Variants in PAN3 observed in about 807,000 individuals in gnomAD.
PAN3 encodes the protein PAN2-PAN3 deadenylation complex subunit PAN3.
Under a neutral mutation model 96.2 loss-of-function variants are expected in PAN3, and 19 were observed. The observed-to-expected ratio is 0.20, with a 90% CI of 0.14 to 0.29. The LOEUF (loss-of-function observed/expected upper bound fraction) is 0.29. Ranked by LOEUF, PAN3 falls within the 10% of genes least tolerant of loss-of-function variation. PAN3 has a pLI of 1.00. For missense variants in PAN3, 882 were observed against 1,108.1 expected, an observed-to-expected ratio of 0.80 and a Z score of 2.90; for synonymous variants, 433 against 406.6, an observed-to-expected ratio of 1.06 and a Z score of -0.78.
chr13:28,261,366 T>C lies in PAN3; in HGVS notation c.1354-35T>C, dbSNP rs759042857. 93 of 1,408,534 alleles carry C rather than the reference T, an allele frequency of 6.6e-5. No homozygotes were observed. In the Admixed American group the frequency reaches 2.0e-3, roughly 30 times the overall value. The allele number at this position is 1,408,534 out of a possible 1,614,324, so 87.3% of individuals were successfully genotyped here. Reference sequence around the variant, plus strand: ...TAGGAATTCCAGGTTTCAGAATCTGTGTTTAAATAAAAATATACTTATTTT... The same window carrying C: ...TAGGAATTCCAGGTTTCAGAATCTGCGTTTAAATAAAAATATACTTATTTT... On this transcript the variant is annotated intron_variant, in intron 8 of 18. Transcript: ENST00000380958.
At position 28,169,932 on chromosome 13, in the gene PAN3, AGCTACTTGGGAGGCTGAG is replaced by A. The variant is rs1378821928; in HGVS notation, c.431-4336_431-4319del. 6.6e-5 allele frequency among the ~76,000 whole-genome samples: 10 copies of A among 152,082 alleles called. No individual in the cohort carries two copies. The East Asian group carries it at 1.6e-3, about 24-fold the overall frequency. On this transcript the variant is annotated intron_variant, in intron 1 of 18. Transcript: ENST00000380958. ...CGTGGTGACGGGCAGCTGTAATCCC[AGCTACTTGGGAGGCTGAG>A]GCTGGAGAGTCACATGAACCTGGGA... is the stretch of plus-strand genomic sequence containing the variant.
intron 6 of PAN3, among the ~76,000 whole-genome samples, chr13:28,235,244 A>G (rs966115872): frequency 2.6e-5 from 4 of 152,200 alleles, no homozygotes; most frequent in Non-Finnish European, 5.9e-5. Flanking sequence ...ACTTATAAAA[A>G]AAGGCCTTTG....
At position 28,280,644 on chromosome 13, in the gene PAN3, C is replaced by T. The variant is rs533260684; in HGVS notation, c.2319+103C>T. 7.4e-6 allele frequency: 8 copies of T among 1,086,344 alleles called. No individual in the cohort carries two copies. In the East Asian group the frequency reaches 1.9e-4, roughly 26 times the overall value. The allele number at this position is 1,086,344 out of a possible 1,614,324, so 67.3% of individuals were successfully genotyped here. A position where few individuals can be genotyped will look rare whatever the true frequency, so the allele number is the denominator to read the frequency against. Reference sequence around the variant, plus strand: ...TGGTGCTATCTCGGCTTACTGTAACCTCTGCCTCCTGGGTTCAAGCGAGTC... The same window carrying T: ...TGGTGCTATCTCGGCTTACTGTAACTTCTGCCTCCTGGGTTCAAGCGAGTC... On this transcript the variant is annotated intron_variant, in intron 16 of 18. Transcript: ENST00000380958.
chr13:28,198,084 C>T (rs1195298432), intron 5 of PAN3, among the ~76,000 whole-genome samples: 1 of 151,740 alleles, frequency 6.6e-6, no homozygotes, highest in African/African-American at 2.4e-5. Context: ...ACCAGCCTGG[C>T]CAACATGGTG....
chr13:28,155,896 T>G (rs1872092344), intron 1 of PAN3, among the ~76,000 whole-genome samples: 4 of 152,182 alleles, frequency 2.6e-5, no homozygotes, highest in African/African-American at 7.2e-5. Context: ...TTCATAGTTT[T>G]GTAGTCATCT....
intron 6 of PAN3, among the ~76,000 whole-genome samples, chr13:28,246,321 C>A (rs900039895): frequency 2.0e-5 from 3 of 151,852 alleles, no homozygotes; most frequent in African/African-American, 4.8e-5. Flanking sequence ...TAAATTGATA[C>A]ATAATAACTG....
chr13:28,187,341 AT>A (rs1238400233), intron 4 of PAN3, among the ~76,000 whole-genome samples: 1 of 151,732 alleles, frequency 6.6e-6, no homozygotes, highest in Non-Finnish European at 1.5e-5. Flanking sequence ...AAATACAACA[AT>A]TTTTTTCACT....
chr13:28,158,912 T>C (rs1398981899), intron 1 of PAN3, among the ~76,000 whole-genome samples: 1 of 151,152 alleles, frequency 6.6e-6, no homozygotes, highest in Non-Finnish European at 1.5e-5. Context: ...TCACTAATCA[T>C]TAGAGAAATG....
At chr13:28,151,805 G>T (rs995590552) in intron 1 of PAN3, among the ~76,000 whole-genome samples, 2 of 152,166 alleles carry the variant, frequency 1.3e-5, no homozygotes, top group Admixed American at 1.3e-4. Context: ...AAATATGGGA[G>T]AGCAGATCAG....
At chr13:28,225,596 A>G (rs911165803) in intron 6 of PAN3, among the ~76,000 whole-genome samples, 2 of 152,188 alleles carry the variant, frequency 1.3e-5, no homozygotes, top group African/African-American at 2.4e-5. Context: ...TTAGTCATTT[A>G]CAGTAATATA....
At chr13:28,258,631 T>TA (rs1885416181) in intron 7 of PAN3, among the ~76,000 whole-genome samples, 1 of 152,186 alleles carries the variant, frequency 6.6e-6, no homozygotes, top group Non-Finnish European at 1.5e-5. Flanking sequence ...GCCAGGGCAA[T>TA]ATCACTTCCT....
chr13:28,220,604 TCA>T (rs947444371), intron 6 of PAN3, among the ~76,000 whole-genome samples: 43 of 152,160 alleles, frequency 2.8e-4, no homozygotes, highest in African/African-American at 9.9e-4. Context: ...TATATAAAAC[TCA>T]CAAAAAAATT....
intron 6 of PAN3, among the ~76,000 whole-genome samples, chr13:28,242,356 T>C (rs868389070): frequency 6.6e-6 from 1 of 152,180 alleles, no homozygotes; most frequent in Non-Finnish European, 1.5e-5. Flanking sequence ...AAAGAGGAGA[T>C]CTTCACCTCT....
chr13:28,287,398 A>G (rs1443572852), intron 17 of PAN3, among the ~76,000 whole-genome samples: 1 of 152,168 alleles, frequency 6.6e-6, no homozygotes, highest in Non-Finnish European at 1.5e-5. Flanking sequence ...TCTTCGTTTT[A>G]TATCATATTC....
At chr13:28,154,660 A>G (rs1245093529) in intron 1 of PAN3, among the ~76,000 whole-genome samples, 2 of 151,468 alleles carry the variant, frequency 1.3e-5, no homozygotes, top group African/African-American at 4.9e-5. Context: ...ACGCCCAGCT[A>G]ATTTTTTGTA....
At chr13:28,193,165 C>G (rs1187423397) in intron 4 of PAN3, among the ~76,000 whole-genome samples, 1 of 152,140 alleles carries the variant, frequency 6.6e-6, no homozygotes, top group East Asian at 1.9e-4. Flanking sequence ...TCCTGGGCCT[C>G]TGGTTGGAGA....
At position 28,266,726 on chromosome 13, in the gene PAN3, G is replaced by A. The variant is rs1386278669; in HGVS notation, c.1423G>A (p.Glu475Lys). Reference protein sequence around the residue: ...DQADMPAVPTEVDSYHSLFPL... With the variant: ...DQADMPAVPTKVDSYHSLFPL... ...ATGAATTACTCTAGCAGTTCCTACA[G>A]AGGTTGACAGCTACCATAGCCTATT... The change falls in exon 10 of 19, where the codon GAG (glutamate) becomes AAG (lysine). Residue 475 changes from glutamate to lysine, a missense_variant. This residue lies in a region of PAN3 where 364 missense variants were observed against 513.6 expected (regional missense o/e 0.71). Transcript: ENST00000380958. 4 of 1,584,324 alleles carry A rather than the reference G, an allele frequency of 2.5e-6. No individual in the cohort carries two copies. The African/African-American group carries it at 5.4e-5, about 22-fold the overall frequency.
At chr13:28,159,146 G>A (rs961405909) in intron 1 of PAN3, among the ~76,000 whole-genome samples, 3 of 152,106 alleles carry the variant, frequency 2.0e-5, no homozygotes, top group East Asian at 1.9e-4. Flanking sequence ...TCATAAAGAC[G>A]CATGAATATG....
chr13:28,147,094 A>C (rs894884250), intron 1 of PAN3, among the ~76,000 whole-genome samples: 2 of 152,246 alleles, frequency 1.3e-5, no homozygotes, highest in Non-Finnish European at 2.9e-5. Context: ...CATTGTTACC[A>C]ACAAATCAAT....
Sources: allele counts gnomAD v4.1 joint callset (sites outside exome capture counted in the v4.1 genomes callset), GRCh38; gene constraint gnomAD v4.1.1; regional missense constraint gnomAD v4.1.1; transcripts MANE v1.5; gene names NCBI Gene and HGNC (gene_info 2026-07-23, HGNC 2026-07-21).